CRIM1: variants seen among roughly 807,000 people sequenced by gnomAD.
The protein encoded by CRIM1 is cysteine rich transmembrane BMP regulator 1.
A neutral mutation model predicts 116.4 loss-of-function variants in CRIM1; 32 were observed. The observed-to-expected ratio is 0.27, with a 90% CI of 0.21 to 0.37. CRIM1 has a LOEUF of 0.37. Ranked by LOEUF, CRIM1 falls within the 10% of genes least tolerant of loss-of-function variation. CRIM1 has a pLI of 1.00. For synonymous variants in CRIM1, 590 were observed against 509.2 expected (o/e 1.16, Z -2.13); for missense variants, 1,331 against 1,354.8 (o/e 0.98, Z 0.28).
intron 1 of CRIM1, among the ~76,000 whole-genome samples, chr2:36,374,008 C>T (rs3770951): frequency 0.2 from 30,582 of 152,124 alleles, 3,176 homozygotes; most frequent in Admixed American, 0.26. Flanking sequence ...TACATAAAGC[C>T]GTGGGCGTCT....
At chr2:36,410,081 G>A (rs769300490) in intron 2 of CRIM1, among the ~76,000 whole-genome samples, 1 of 152,192 alleles carries the variant, frequency 6.6e-6, no homozygotes, top group Non-Finnish European at 1.5e-5. Flanking sequence ...TCTGCATCAG[G>A]AGGAGGTGAC....
chr2:36,424,805 C>A (rs572758799), intron 2 of CRIM1, among the ~76,000 whole-genome samples: 21 of 152,310 alleles, frequency 1.4e-4, no homozygotes, highest in South Asian at 4.1e-4. Context: ...ATCTCACTTA[C>A]ACTGATTTGA....
intron 1 of CRIM1, among the ~76,000 whole-genome samples, chr2:36,386,903 A>G (rs1274817209): frequency 6.6e-6 from 1 of 152,166 alleles, no homozygotes. Context: ...GGCAGAGAGA[A>G]CAGCCATGAA....
intron 2 of CRIM1, among the ~76,000 whole-genome samples, chr2:36,431,759 A>T (rs1047005871): frequency 6.6e-6 from 1 of 152,184 alleles, no homozygotes; most frequent in Non-Finnish European, 1.5e-5. Flanking sequence ...GGCTCTCAGA[A>T]CATCTGGTTG....
intron 1 of CRIM1, among the ~76,000 whole-genome samples, chr2:36,381,720 G>A (rs1258049475): frequency 2.0e-5 from 3 of 152,346 alleles, no homozygotes; most frequent in Middle Eastern, 3.4e-3. Context: ...CGGGGAGGCA[G>A]AGGTTGCAGT....
chr2:36,548,517 T>A lies in CRIM1; in HGVS notation c.2935-8T>A, dbSNP rs772672331. 6.5e-7 allele frequency: 1 copy of A among 1,547,926 alleles called. No homozygotes were observed. The highest frequency in any genetic ancestry group is 2.2e-5 in the Admixed American group (1 of 44,672). On this transcript the variant is annotated splice_polypyrimidine_tract_variant and splice_region_variant and intron_variant, in intron 16 of 16. Coordinates refer to ENST00000280527, the MANE Select transcript of CRIM1 (RefSeq NM_016441.3). ...TTTTGTGGTTTTATTCCTCCTCTCA[T>A]TAAATAGCCTTCTTCCTTAAATAAT...
intron 1 of CRIM1, among the ~76,000 whole-genome samples, chr2:36,365,105 A>C (rs975417325): frequency 2.6e-4 from 39 of 152,110 alleles, no homozygotes; most frequent in African/African-American, 9.2e-4. Context: ...TACCGAGAAC[A>C]GGGGGCTGGG....
At chr2:36,358,573 C>CT (rs1669010697) in intron 1 of CRIM1, among the ~76,000 whole-genome samples, 1 of 152,196 alleles carries the variant, frequency 6.6e-6, no homozygotes, top group East Asian at 1.9e-4. Flanking sequence ...TTTCGTGAGC[C>CT]TTTCATTCCT....
At chr2:36,401,994 C>T (rs957027587) in intron 2 of CRIM1, among the ~76,000 whole-genome samples, 1 of 152,126 alleles carries the variant, frequency 6.6e-6, no homozygotes, top group African/African-American at 2.4e-5. Context: ...CTTCTGCCAT[C>T]CCCTAAGTAC....
intron 2 of CRIM1, 103 bp downstream of exon 2, chr2:36,396,890 G>T: frequency 2.0e-6 from 2 of 991,118 alleles, no homozygotes; most frequent in Non-Finnish European, 1.5e-6. Context: ...CAAGTTTACA[G>T]AGAGTGGTAG....
intron 1 of CRIM1, among the ~76,000 whole-genome samples, chr2:36,357,372 C>T (rs917623466): frequency 6.6e-6 from 1 of 152,144 alleles, no homozygotes; most frequent in Non-Finnish European, 1.5e-5. Context: ...TGTTTCCTGT[C>T]GTGTTGCCGG....
rs754924702 is a variant in CRIM1 at position 36,477,002 on chromosome 2, G to A, written c.1105G>A (p.Ala369Thr). The A allele has an allele frequency of 8.1e-6, 13 of 1,613,558 alleles. No individual in the cohort carries two copies. The highest frequency in any genetic ancestry group is 3.3e-5 in the South Asian group (3 of 91,020). Residue 369 changes from alanine (A) to threonine (T), a missense_variant, in exon 6 of 17, where the codon GCC becomes ACC. Physicochemically the swap from Ala to Thr is moderately conservative, Grantham distance 58. Transcript: ENST00000280527. ...AGGGGGCGTTGCCATCTGCTTCACC[G>A]CCCAGTGTGGTGAGATAAACTGCGA... ...CQGGVAICFTAQCGEINCERY... is the reference protein window; with the variant it reads ...CQGGVAICFTTQCGEINCERY...
chr2:36,380,455 A>C (rs2148333182), intron 1 of CRIM1, among the ~76,000 whole-genome samples: 1 of 152,280 alleles, frequency 6.6e-6, no homozygotes, highest in African/African-American at 2.4e-5. Context: ...GATAGGATGC[A>C]CATCCTGGAG....
chr2:36,467,624 T>A (rs1275675697), intron 5 of CRIM1, among the ~76,000 whole-genome samples: 1 of 152,194 alleles, frequency 6.6e-6, no homozygotes, highest in African/African-American at 2.4e-5. Flanking sequence ...AAGATAGTGA[T>A]AAAATATTTA....
chr2:36,479,747 G>C, intron 7 of CRIM1, 53 bp downstream of exon 7: 1 of 1,533,482 alleles, frequency 6.5e-7, no homozygotes, highest in Non-Finnish European at 9.0e-7. Flanking sequence ...TGTTGGAGAA[G>C]CTTCTACCAG....
intron 7 of CRIM1, among the ~76,000 whole-genome samples, chr2:36,480,036 A>G (rs576150913): frequency 6.6e-6 from 1 of 152,356 alleles, no homozygotes; most frequent in Non-Finnish European, 1.5e-5. Context: ...CGATGAGTCA[A>G]TCTTAGCACC....
intron 8 of CRIM1, among the ~76,000 whole-genome samples, chr2:36,504,753 AGT>A (rs1681270296): frequency 3.3e-5 from 5 of 152,236 alleles, no homozygotes; most frequent in Admixed American, 2.6e-4. Context: ...CTCTTTAACC[AGT>A]GTCTTTTGCT....
intron 5 of CRIM1, among the ~76,000 whole-genome samples, chr2:36,466,837 A>G (rs574428529): frequency 6.6e-6 from 1 of 152,278 alleles, no homozygotes; most frequent in African/African-American, 2.4e-5. Context: ...ATCTTAAGTC[A>G]TTTGTCCCCT....
intron 1 of CRIM1, among the ~76,000 whole-genome samples, chr2:36,380,954 G>A (rs1670702657): frequency 6.6e-6 from 1 of 152,310 alleles, no homozygotes; most frequent in South Asian, 2.1e-4. Flanking sequence ...CAAAGGGGTC[G>A]AGGAGCTTTC....
Sources: gnomAD v4.1 joint callset for allele counts (sites outside exome capture counted in the v4.1 genomes callset) on GRCh38, gnomAD v4.1.1 for gene constraint, MANE v1.5 for transcripts, NCBI Gene and HGNC (gene_info 2026-07-23, HGNC 2026-07-21) for gene names.